DIAPH2: variants seen among roughly 807,000 people sequenced by gnomAD.
DIAPH2 encodes the protein protein diaphanous homolog 2.
DIAPH2 carries 35 observed loss-of-function variants against 92.7 expected under a neutral mutation model. The ratio of observed to expected loss-of-function variants is 0.38; its 90% CI spans 0.29 to 0.50. DIAPH2 has a LOEUF of 0.50. Among genes scored for constraint, DIAPH2 ranks in the 20% least tolerant of loss-of-function variants. The pLI is 0.94. For missense variants in DIAPH2, 701 were observed against 819.5 expected, an observed-to-expected ratio of 0.86 and a Z score of 1.77; for synonymous variants, 301 against 280.4, an observed-to-expected ratio of 1.07 and a Z score of -0.73.
At chrX:97,394,483 AT>A (rs2069687334) in intron 25 of DIAPH2, among the ~76,000 whole-genome samples, 1 of 111,168 alleles carries the variant, frequency 9.0e-6, no homozygotes, top group Non-Finnish European at 1.9e-5. Flanking sequence ...AAAGATCAGA[AT>A]TTTTTTCTCT....
intron 5 of DIAPH2, among the ~76,000 whole-genome samples, chrX:96,888,581 C>CTATATATATG (rs1556283043): frequency 1.1e-5 from 1 of 92,046 alleles, no homozygotes. Context: ...ATATATATAT[C>CTATATATATG]TATATATATA....
At chrX:97,339,860 C>T (rs780082267) in intron 23 of DIAPH2, among the ~76,000 whole-genome samples, 373 of 112,020 alleles carry the variant, frequency 3.3e-3, no homozygotes, top group African/African-American at 0.011. Context: ...TCCTCTCATA[C>T]TTGCCAAGTT....
intron 19 of DIAPH2, among the ~76,000 whole-genome samples, chrX:97,080,595 C>G (rs1303178077): frequency 4.6e-5 from 5 of 109,706 alleles, no homozygotes; most frequent in Non-Finnish European, 9.5e-5. Flanking sequence ...TATGTTTTCT[C>G]AAATGTGATT....
chrX:96,793,956 C>A (rs765960457), intron 4 of DIAPH2, among the ~76,000 whole-genome samples: 51 of 111,876 alleles, frequency 4.6e-4, no homozygotes, highest in African/African-American at 1.5e-3. Flanking sequence ...ATTTATGTAT[C>A]TGGCTTAATC....
At chrX:97,185,294 C>CAAAA (rs1306919184) in intron 22 of DIAPH2, among the ~76,000 whole-genome samples, 1 of 13,829 alleles carries the variant, frequency 7.2e-5, no homozygotes, top group African/African-American at 3.5e-4. Context: ...GACCCTGTCT[C>CAAAA]AAAAAAAAAA....
chrX:97,423,030 T>TGGAAAGCAAACCTAGACCAGGGTTG (rs2070025254), intron 25 of DIAPH2, among the ~76,000 whole-genome samples: 7 of 111,200 alleles, frequency 6.3e-5, no homozygotes, highest in Non-Finnish European at 1.9e-5. Context: ...CCCCCAGAGT[T>TGGAAAGCAAACCTAGACCAGGGTTG]GGAAAGCAAA....
intron 26 of DIAPH2, among the ~76,000 whole-genome samples, chrX:97,531,584 T>C (rs765488511): frequency 8.9e-6 from 1 of 112,331 alleles, no homozygotes; most frequent in Non-Finnish European, 1.9e-5. Flanking sequence ...TACATACTAA[T>C]GTTTATCTGT....
intron 23 of DIAPH2, among the ~76,000 whole-genome samples, chrX:97,270,328 T>C (rs2068376263): frequency 1.8e-5 from 2 of 111,838 alleles, no homozygotes; most frequent in African/African-American, 3.2e-5. Context: ...CCTCCCAAAG[T>C]GCTGGGATTA....
intron 4 of DIAPH2, among the ~76,000 whole-genome samples, chrX:96,766,975 T>A (rs1340224392): frequency 8.9e-6 from 1 of 111,963 alleles, no homozygotes; most frequent in Admixed American, 9.5e-5. Flanking sequence ...GCTCAAGGGA[T>A]CTTTTTTGTA....
At chrX:97,580,322 T>C (rs1441541483) in intron 26 of DIAPH2, among the ~76,000 whole-genome samples, 6 of 93,786 alleles carry the variant, frequency 6.4e-5, no homozygotes, top group African/African-American at 2.3e-4. Flanking sequence ...AGATAGCTCT[T>C]ATTATTTTGA....
chrX:96,771,396 AAG>A (rs2064337821), intron 4 of DIAPH2, among the ~76,000 whole-genome samples: 1 of 111,829 alleles, frequency 8.9e-6, no homozygotes, highest in Admixed American at 9.5e-5. Flanking sequence ...AATCAGGTAA[AAG>A]AATCAATTTA....
At position 97,417,011 on chromosome X, in the gene DIAPH2, A is replaced by G. The variant is rs781338510; in HGVS notation, c.3146-12639A>G. Among the ~76,000 whole-genome samples the G allele has an allele frequency of 2.7e-5, 3 of 112,095 alleles. No individual in the cohort carries two copies. The South Asian group carries it at 1.1e-3, about 42-fold the overall frequency. On this transcript the variant is annotated intron_variant, in intron 25 of 26. Transcript: ENST00000324765. ...CAAACCAGCAATGGAGGAGGGAAAC[A>G]CTTTGAAGCATATGTAAGATTAATA...
At chrX:97,594,183 G>GTATATATA (rs35284387) in intron 26 of DIAPH2, among the ~76,000 whole-genome samples, 1 of 102,921 alleles carries the variant, frequency 9.7e-6, no homozygotes, top group Non-Finnish European at 2.0e-5. Context: ...TTTGAGCTCA[G>GTATATATA]TATATATATA....
At chrX:97,456,690 T>C (rs2070408813) in intron 26 of DIAPH2, among the ~76,000 whole-genome samples, 1 of 111,268 alleles carries the variant, frequency 9.0e-6, no homozygotes, top group African/African-American at 3.3e-5. Flanking sequence ...TCTCTTTACT[T>C]ATTCACTCTT....
intron 26 of DIAPH2, among the ~76,000 whole-genome samples, chrX:97,572,570 T>C (rs748454970): frequency 3.6e-5 from 4 of 111,825 alleles, no homozygotes; most frequent in Non-Finnish European, 7.5e-5. Flanking sequence ...ATAATGCTTT[T>C]TAATAAGAAA....
At position 97,281,571 on chromosome X, in the gene DIAPH2, C is replaced by T. The variant is rs376509480; in HGVS notation, c.2844+33732C>T. Among the ~76,000 whole-genome samples the T allele has an allele frequency of 1.1e-4, 12 of 110,154 alleles. No homozygotes were observed. The South Asian group carries it at 2.0e-3, about 18-fold the overall frequency. On this transcript the variant is annotated intron_variant, in intron 23 of 26. Transcript: ENST00000324765. ...CATCCTGGCTAACATGGTGAAATCC[C>T]GTCTCTACTAAAAATACAAAAAATT...
intron 26 of DIAPH2, among the ~76,000 whole-genome samples, chrX:97,466,537 A>G (rs913612508): frequency 2.7e-5 from 3 of 111,874 alleles, no homozygotes; most frequent in African/African-American, 9.7e-5. Context: ...ATATGTCAGT[A>G]TACTTCTCTT....
chrX:97,587,110 A>AGAT (rs1243334254), intron 26 of DIAPH2, among the ~76,000 whole-genome samples: 1 of 112,221 alleles, frequency 8.9e-6, no homozygotes, highest in Non-Finnish European at 1.9e-5. Flanking sequence ...GTTCAAGAAA[A>AGAT]GATGGTTGAA....
chrX:97,477,024 C>T (rs1032665522), intron 26 of DIAPH2, among the ~76,000 whole-genome samples: 4 of 92,842 alleles, frequency 4.3e-5, no homozygotes, highest in African/African-American at 8.3e-5. Context: ...CACACACACA[C>T]ATACACACAC....
Sources: gnomAD v4.1 joint callset for allele counts (sites outside exome capture counted in the v4.1 genomes callset) on GRCh38, gnomAD v4.1.1 for gene constraint, MANE v1.5 for transcripts, NCBI Gene and HGNC (gene_info 2026-07-23, HGNC 2026-07-21) for gene names.